Variants in POU6F2 observed in about 807,000 individuals in gnomAD.
POU6F2 encodes POU domain, class 6, transcription factor 2.
A neutral mutation model predicts 71.3 loss-of-function variants in POU6F2; 31 were observed. The ratio of observed to expected loss-of-function variants is 0.43; its 90% CI spans 0.33 to 0.59. POU6F2 has a LOEUF of 0.59. Ranked by LOEUF, POU6F2 falls within the 20% of genes least tolerant of loss-of-function variation. POU6F2 has a pLI of 0.04. For missense variants in POU6F2, 783 were observed against 856.8 expected, an observed-to-expected ratio of 0.91 and a Z score of 1.07; for synonymous variants, 347 against 355.7, an observed-to-expected ratio of 0.98 and a Z score of 0.27.
intron 2 of POU6F2, among the ~76,000 whole-genome samples, chr7:39,164,479 C>G (rs1793070089): frequency 1.4e-5 from 2 of 140,252 alleles, no homozygotes; most frequent in Non-Finnish European, 3.1e-5. Flanking sequence ...CAGCAGGACT[C>G]TATGGAGCAG....
intron 4 of POU6F2, among the ~76,000 whole-genome samples, chr7:39,297,247 A>G (rs561210938): frequency 4.7e-5 from 7 of 149,906 alleles, no homozygotes; most frequent in Non-Finnish European, 7.4e-5. Context: ...ATGAATTCAC[A>G]TATACGTGCA....
chr7:39,067,107 T>C (rs1790772591), intron 1 of POU6F2, among the ~76,000 whole-genome samples: 1 of 149,720 alleles, frequency 6.7e-6, no homozygotes, highest in East Asian at 1.9e-4. Context: ...TATGGCATTA[T>C]ATATCATCAC....
intron 5 of POU6F2, among the ~76,000 whole-genome samples, chr7:39,371,363 G>A (rs1786606402): frequency 6.6e-6 from 1 of 152,044 alleles, no homozygotes; most frequent in Admixed American, 6.6e-5. Context: ...TGTATTTTTA[G>A]TAGAGACAGG....
At chr7:39,016,002 ATATAT>A (rs1562671097) in intron 1 of POU6F2, among the ~76,000 whole-genome samples, 5 of 50,452 alleles carry the variant, frequency 9.9e-5, no homozygotes, top group African/African-American at 1.5e-4. Context: ...ATATATAGAT[ATATAT>A]TATATATTAT....
chr7:39,233,458 A>G (rs1292205140), intron 4 of POU6F2, among the ~76,000 whole-genome samples: 1 of 152,194 alleles, frequency 6.6e-6, no homozygotes, highest in Non-Finnish European at 1.5e-5. Flanking sequence ...AGATACTGCA[A>G]AGCTTCTTGC....
intron 5 of POU6F2, among the ~76,000 whole-genome samples, chr7:39,349,673 T>C (rs1259407229): frequency 6.6e-6 from 1 of 152,230 alleles, no homozygotes; most frequent in Non-Finnish European, 1.5e-5. Flanking sequence ...CAAAACTCCA[T>C]GTCTGTGGGG....
intron 4 of POU6F2, among the ~76,000 whole-genome samples, chr7:39,317,829 A>G (rs1297139527): frequency 6.6e-6 from 1 of 152,166 alleles, no homozygotes; most frequent in African/African-American, 2.4e-5. Context: ...CATTTTCTTT[A>G]TTTCTCAAGG....
chr7:39,151,172 C>T (rs1792751100), intron 2 of POU6F2, among the ~76,000 whole-genome samples: 1 of 152,076 alleles, frequency 6.6e-6, no homozygotes. Flanking sequence ...CATGGGTTTT[C>T]TGCTTCTTCT....
At chr7:39,282,200 G>T (rs1377413476) in intron 4 of POU6F2, among the ~76,000 whole-genome samples, 1 of 152,058 alleles carries the variant, frequency 6.6e-6, no homozygotes, top group African/African-American at 2.4e-5. Context: ...CTCCTTGTTG[G>T]ATGCATAGTT....
intron 1 of POU6F2, among the ~76,000 whole-genome samples, chr7:39,005,551 G>A (rs374514964): frequency 7.4e-6 from 1 of 135,604 alleles, no homozygotes; most frequent in African/African-American, 2.6e-5. Flanking sequence ...TGTGCGTGCA[G>A]GCATGTGTGC....
chr7:39,015,666 A>T (rs1789471863), intron 1 of POU6F2, among the ~76,000 whole-genome samples: 1 of 111,418 alleles, frequency 9.0e-6, no homozygotes, highest in Non-Finnish European at 1.6e-5. Flanking sequence ...TTATATATAG[A>T]TATATTATAT....
chr7:39,167,456 G>T (rs906232754), intron 2 of POU6F2, among the ~76,000 whole-genome samples: 1 of 151,928 alleles, frequency 6.6e-6, no homozygotes, highest in Non-Finnish European at 1.5e-5. Flanking sequence ...TAATTTACCT[G>T]TACAATATTT....
At chr7:39,224,274 G>A (rs551155798) in intron 4 of POU6F2, among the ~76,000 whole-genome samples, 101 of 152,046 alleles carry the variant, frequency 6.6e-4, no homozygotes, top group Admixed American at 1.9e-3. Context: ...CAGCCAGAAA[G>A]TTGTGTGTTT....
intron 2 of POU6F2, among the ~76,000 whole-genome samples, chr7:39,180,137 A>G (rs1793408811): frequency 6.6e-6 from 1 of 152,196 alleles, no homozygotes; most frequent in Non-Finnish European, 1.5e-5. Flanking sequence ...CTGTTATTCC[A>G]ATGTAGCAGT....
At chr7:39,439,767 G>A (rs1482603548) in intron 7 of POU6F2, among the ~76,000 whole-genome samples, 1 of 152,166 alleles carries the variant, frequency 6.6e-6, no homozygotes, top group Admixed American at 6.5e-5. Flanking sequence ...GGGATTACAG[G>A]TGTGAGCCAC....
At chr7:39,398,391 TAA>T (rs75282740) in intron 5 of POU6F2, among the ~76,000 whole-genome samples, 43 of 116,872 alleles carry the variant, frequency 3.7e-4, no homozygotes, top group African/African-American at 6.3e-4. Flanking sequence ...TATATAAAAG[TAA>T]AAAAAAAAAA....
At chr7:39,117,026 C>T (rs919589658) in intron 2 of POU6F2, among the ~76,000 whole-genome samples, 2 of 152,060 alleles carry the variant, frequency 1.3e-5, no homozygotes, top group Non-Finnish European at 2.9e-5. Context: ...GAGAGAGCTC[C>T]TTTTTTGAGG....
chr7:39,277,459 G>A (rs957953208), intron 4 of POU6F2, among the ~76,000 whole-genome samples: 7 of 151,798 alleles, frequency 4.6e-5, no homozygotes, highest in African/African-American at 1.2e-4. Flanking sequence ...TTATGTCCAC[G>A]TGTACCCAGG....
At chr7:39,155,060 A>C (rs902663896) in intron 2 of POU6F2, among the ~76,000 whole-genome samples, 6 of 152,150 alleles carry the variant, frequency 3.9e-5, no homozygotes, top group Non-Finnish European at 8.8e-5. Flanking sequence ...CACACCTGAA[A>C]GTGAAAGTTG....
Sources: gnomAD v4.1 joint callset for allele counts (sites outside exome capture counted in the v4.1 genomes callset) on GRCh38, gnomAD v4.1.1 for gene constraint, MANE v1.5 for transcripts, NCBI Gene and HGNC (gene_info 2026-07-23, HGNC 2026-07-21) for gene names.